SLIT2: variants seen among roughly 807,000 people sequenced by gnomAD.
SLIT2 encodes slit homolog 2 protein.
SLIT2 carries 41 observed loss-of-function variants against 185.7 expected under a neutral mutation model. That is an observed-to-expected ratio of 0.22 (90% confidence interval 0.17 to 0.29). The LOEUF (loss-of-function observed/expected upper bound fraction) is 0.29, where lower values mean the gene tolerates loss of function less well. SLIT2 is among the 10% of genes least tolerant of loss of function. SLIT2 has a pLI of 1.00. For missense variants in SLIT2, 1,571 were observed against 1,909.0 expected (o/e 0.82, Z 3.30); for synonymous variants, 693 against 680.2 (o/e 1.02, Z -0.29).
intron 4 of SLIT2, among the ~76,000 whole-genome samples, chr4:20,369,609 G>A (rs999983463): frequency 6.6e-6 from 1 of 152,012 alleles, no homozygotes; most frequent in Non-Finnish European, 1.5e-5. Flanking sequence ...CCTTCCTCTT[G>A]GCATGTTTCA....
rs779366597 is a variant in SLIT2, at chr4:20,553,769, GTA to G, written c.2562-34_2562-33del. ...TGTGTGTGTGTGTATGTGTGTGTGT[GTA>G]TGTGTGTGTGCTTCTGTGGTGTTGT... is the stretch of plus-strand genomic sequence containing the variant. On this transcript the variant is annotated intron_variant, in intron 25 of 36. Coordinates refer to ENST00000504154, the MANE Select transcript of SLIT2 (RefSeq NM_004787.4). 17 of 1,516,754 alleles carry G rather than the reference GTA, an allele frequency of 1.1e-5. No individual in the cohort carries two copies. The African/African-American group carries it at 1.8e-4, about 16-fold the overall frequency. 94.0% of individuals were successfully genotyped at this position (1,516,754 alleles called of 1,614,324 possible). A position where few individuals can be genotyped will look rare whatever the true frequency, so the allele number is the denominator to read the frequency against.
Position 20,533,865 on chromosome 4 carries a change from T to C in SLIT2, c.1832+150T>C, listed in dbSNP as rs1577873956. 4.1e-5 allele frequency: 27 copies of C among 657,120 alleles called. No homozygotes were observed. The East Asian group carries it at 6.8e-4, about 17-fold the overall frequency. 40.7% of individuals were successfully genotyped at this position (657,120 alleles called of 1,614,324 possible). A position where few individuals can be genotyped will look rare whatever the true frequency, so the allele number is the denominator to read the frequency against. Reference sequence around the variant, plus strand: ...TCTGTTACACACACATACACACCGCTACACACACACACATGTATTGTGAAT... The same window carrying C: ...TCTGTTACACACACATACACACCGCCACACACACACACATGTATTGTGAAT... On this transcript the variant is annotated intron_variant, in intron 18 of 36. Coordinates refer to ENST00000504154, the MANE Select transcript of SLIT2 (RefSeq NM_004787.4).
At chr4:20,336,863 C>A (rs893309746) in intron 4 of SLIT2, among the ~76,000 whole-genome samples, 1 of 152,122 alleles carries the variant, frequency 6.6e-6, no homozygotes, top group Admixed American at 6.5e-5. Flanking sequence ...GCATTTGCAA[C>A]ATTTTAATTT....
chr4:20,330,325 A>G (rs1270665407), intron 4 of SLIT2, among the ~76,000 whole-genome samples: 1 of 152,194 alleles, frequency 6.6e-6, no homozygotes, highest in East Asian at 1.9e-4. Flanking sequence ...AGATCTCCAA[A>G]CACCACTGAA....
rs1366142658 is a variant in SLIT2 at position 20,620,449 on chromosome 4, T to C, written c.*1440T>C. 2.2e-6 allele frequency: 1 copy of C among 454,042 alleles called. No homozygotes were observed. The highest frequency in any genetic ancestry group is 2.4e-5 in the Admixed American group (1 of 42,080). The allele number at this position is 454,042 out of a possible 1,614,324, so 28.1% of individuals were successfully genotyped here. On this transcript the variant is annotated 3_prime_UTR_variant, in exon 37 of 37. Transcript: ENST00000504154. Reference sequence around the variant, plus strand: ...ATGTTTCTTCCTGAAAACTTCTTTTTTTACAAAGAAAATTAGATGTACATG... The same window carrying C: ...ATGTTTCTTCCTGAAAACTTCTTTTCTTACAAAGAAAATTAGATGTACATG...
At chr4:20,486,940 T>A (rs1717298752) in intron 7 of SLIT2, among the ~76,000 whole-genome samples, 1 of 151,970 alleles carries the variant, frequency 6.6e-6, no homozygotes, top group African/African-American at 2.4e-5. Flanking sequence ...CCTAAAAAAA[T>A]ATATTACATA....
intron 4 of SLIT2, among the ~76,000 whole-genome samples, chr4:20,302,098 G>C (rs976412315): frequency 1.4e-4 from 21 of 152,174 alleles, no homozygotes; most frequent in African/African-American, 4.8e-4. Context: ...GAGAAACGAA[G>C]ATTAATTTTT....
At chr4:20,321,044 A>G (rs1719033333) in intron 4 of SLIT2, among the ~76,000 whole-genome samples, 3 of 152,134 alleles carry the variant, frequency 2.0e-5, no homozygotes, top group South Asian at 4.1e-4. Flanking sequence ...TAATCCAGCT[A>G]CTTGAAAGGG....
At chr4:20,381,882 T>C (rs1463129687) in intron 4 of SLIT2, among the ~76,000 whole-genome samples, 1 of 151,410 alleles carries the variant, frequency 6.6e-6, no homozygotes, top group Non-Finnish European at 1.5e-5. Context: ...TCCAGACCAA[T>C]ATCCTTCATA....
intron 5 of SLIT2, among the ~76,000 whole-genome samples, chr4:20,471,893 C>T (rs1017627852): frequency 2.0e-4 from 31 of 151,984 alleles, no homozygotes; most frequent in African/African-American, 7.5e-4. Flanking sequence ...TTTTTTGCTT[C>T]TCTCTATTCA....
At chr4:20,281,587 A>G (rs1160509536) in intron 4 of SLIT2, among the ~76,000 whole-genome samples, 3 of 152,168 alleles carry the variant, frequency 2.0e-5, no homozygotes, top group Admixed American at 2.0e-4. Context: ...CCTCTGTTGA[A>G]GGGGAATGAA....
At chr4:20,321,600 A>G (rs138503847) in intron 4 of SLIT2, among the ~76,000 whole-genome samples, 2 of 152,302 alleles carry the variant, frequency 1.3e-5, no homozygotes, top group East Asian at 1.9e-4. Context: ...GAGAGAATCC[A>G]GGAGAAGTAC....
At chr4:20,548,648 A>G (rs980275049) in intron 23 of SLIT2, 89 bp downstream of exon 23, 1 of 779,188 alleles carries the variant, frequency 1.3e-6, no homozygotes, top group Non-Finnish European at 2.3e-6. Flanking sequence ...TGAACAAGAC[A>G]GTCTCTACCC....
intron 33 of SLIT2, 43 bp downstream of exon 33, chr4:20,598,438 T>C (rs1456583543): frequency 6.2e-7 from 1 of 1,608,536 alleles, no homozygotes; most frequent in South Asian, 1.1e-5. Context: ...AAAAATTGCT[T>C]AATGAAGAAC....
At chr4:20,513,043 A>T (rs780324645) in intron 11 of SLIT2, among the ~76,000 whole-genome samples, 2 of 152,232 alleles carry the variant, frequency 1.3e-5, no homozygotes, top group Non-Finnish European at 2.9e-5. Context: ...ATAAACAATA[A>T]AATAGTGTGT....
chr4:20,616,760 A>C (rs1729684607), intron 34 of SLIT2, 150 bp from the exon 35 acceptor site: 1 of 735,992 alleles, frequency 1.4e-6, no homozygotes, highest in Non-Finnish European at 2.2e-6. Context: ...ACATCTCTAC[A>C]TCTCTTCTCC....
intron 4 of SLIT2, among the ~76,000 whole-genome samples, chr4:20,453,064 G>A (rs759922626): frequency 1.3e-5 from 2 of 152,142 alleles, no homozygotes; most frequent in Admixed American, 1.3e-4. Flanking sequence ...CATAATCAAG[G>A]GTGGTTTGTG....
intron 25 of SLIT2, among the ~76,000 whole-genome samples, chr4:20,551,194 T>C (rs1723715183): frequency 6.6e-6 from 1 of 152,222 alleles, no homozygotes; most frequent in African/African-American, 2.4e-5. Context: ...CATTATTATC[T>C]GATTCTAGAA....
chr4:20,474,581 A>C (rs999537811), intron 5 of SLIT2, among the ~76,000 whole-genome samples: 1 of 152,138 alleles, frequency 6.6e-6, no homozygotes, highest in African/African-American at 2.4e-5. Flanking sequence ...GCAATTGGGA[A>C]TCCAATTCAC....
Sources: allele counts gnomAD v4.1 joint callset (sites outside exome capture counted in the v4.1 genomes callset), GRCh38; gene constraint gnomAD v4.1.1; transcripts MANE v1.5; gene names NCBI Gene and HGNC (gene_info 2026-07-23, HGNC 2026-07-21).